The following CHD1 variants were observed in gnomAD, a reference collection of about 807,000 sequenced individuals.
The protein encoded by CHD1 is ATP-dependent chromatin remodeler CHD1.
In CHD1, 36 loss-of-function variants were observed where a neutral mutation model predicts 224.2. The ratio of observed to expected loss-of-function variants is 0.16; its 90% CI spans 0.12 to 0.21. The LOEUF (loss-of-function observed/expected upper bound fraction) is 0.21, where lower values mean the gene tolerates loss of function less well. Ranked by LOEUF, CHD1 falls within the 10% of genes least tolerant of loss-of-function variation. The probability of loss-of-function intolerance (pLI) is 1.00; values close to 1 mark genes in which losing one functional copy is unlikely to be tolerated. For missense variants in CHD1, 1,378 were observed against 1,994.8 expected, an observed-to-expected ratio of 0.69 and a Z score of 5.89; for synonymous variants, 668 against 658.3, an observed-to-expected ratio of 1.01 and a Z score of -0.23.
chr5:98,905,483 A>G (rs1751990118), intron 2 of CHD1, among the ~76,000 whole-genome samples: 1 of 152,116 alleles, frequency 6.6e-6, no homozygotes, highest in Non-Finnish European at 1.5e-5. Flanking sequence ...AGCTCTAGCA[A>G]TAATAAAGTA....
At chr5:98,917,306 A>AAAAAAAAAAAAAAAAAAAAAAAAAAC (rs1752800393) in intron 2 of CHD1, among the ~76,000 whole-genome samples, 1 of 151,106 alleles carries the variant, frequency 6.6e-6, no homozygotes, top group African/African-American at 2.5e-5. Context: ...AAACAAAAAA[A>AAAAAAAAAAAAAAAAAAAAAAAAAAC]AAAAACAACC....
intron 22 of CHD1, among the ~76,000 whole-genome samples, chr5:98,880,004 CA>C (rs1334430179): frequency 6.6e-6 from 1 of 152,000 alleles, no homozygotes; most frequent in Non-Finnish European, 1.5e-5. Flanking sequence ...AACAGAACAA[CA>C]AAAAAGTAAT....
intron 18 of CHD1, chr5:98,883,854 TATATATA>T (rs1362213195): frequency 2.4e-3 from 83 of 33,882 alleles, no homozygotes; most frequent in African/African-American, 8.7e-3. Context: ...TATATATATA[TATATATA>T]TTTTTTTTTT....
chr5:98,892,575 A>G lies in CHD1; in HGVS notation c.2130T>C (p.Val710=). The G allele has an allele frequency of 1.2e-6, 2 of 1,613,928 alleles. No individual in the cohort carries two copies. Among genetic ancestry groups the G allele is most frequent in the East Asian group, 4.5e-5 (2 of 44,866 alleles). Residue 710 remains valine (V), a synonymous_variant, in exon 15 of 36, where the codon GTT becomes GTC. Transcript: ENST00000614616. ...TCATTTCCATTCTTAAAATCTGCTC[A>G]ACCTTGGCAGGAAGAGATTTTTCCA... ...KDVEKSLPAK[V]EQILRMEMSA...
Position 98,854,881 on chromosome 5 carries a change from C to A in CHD1, c.*1499G>T, listed in dbSNP as rs1263187632. 6.6e-6 allele frequency: 1 copy of A among 152,038 alleles called. No homozygotes were observed. The highest frequency in any genetic ancestry group is 2.4e-5 in the African/African-American group (1 of 41,402). The allele number at this position is 152,038 out of a possible 1,614,324, so 9.4% of individuals were successfully genotyped here. A position where few individuals can be genotyped will look rare whatever the true frequency, so the allele number is the denominator to read the frequency against. ...CAAAGCATACATGCAAGAATGTGTGCCACATGACTTAAAAACTTCCCGCTG... is the reference window on the plus strand; with the variant it reads ...CAAAGCATACATGCAAGAATGTGTGACACATGACTTAAAAACTTCCCGCTG... On this transcript the variant is annotated 3_prime_UTR_variant, in exon 36 of 36. Transcript: ENST00000614616.
In CHD1 at chr5:98,858,198, T is replaced by G. The variant is rs1478212044; in HGVS notation, c.4769A>C (p.His1590Pro). The change falls in exon 35 of 36, where the codon CAC (histidine) becomes CCC (proline). Residue 1590 changes from histidine (H) to proline (P), a missense_variant. Around this residue, in one of 16 missense-constraint regions of CHD1, gnomAD observed 278 missense variants for 298.5 expected, o/e 0.93. Coordinates refer to ENST00000614616, the MANE Select transcript of CHD1 (RefSeq NM_001270.4). ...AGTTTACCTGCTGTCTTGCTTGTAG[T>G]GATCCCAATCACGATGGTCTTTACC... ...SNGKDHRDWD[H>P]YKQDSRYYSD... 6.2e-7 allele frequency: 1 copy of G among 1,612,934 alleles called. No homozygotes were observed. The highest frequency in any genetic ancestry group is 1.3e-5 in the African/African-American group (1 of 74,888).
At chr5:98,860,415 A>G (rs1748380568) in intron 32 of CHD1, 2 of 295,840 alleles carry the variant, frequency 6.8e-6, no homozygotes. Flanking sequence ...CATATAAGGG[A>G]CAGGTATGTT....
intron 1 of CHD1, among the ~76,000 whole-genome samples, chr5:98,927,661 A>C (rs559118188): frequency 1.3e-5 from 2 of 152,230 alleles, no homozygotes; most frequent in South Asian, 4.1e-4. Flanking sequence ...AAAGTGCCTT[A>C]CTGAACAATT....
intron 32 of CHD1, 61 bp downstream of exon 32, chr5:98,863,347 A>AC (rs1012793761): frequency 1.0e-6 from 1 of 966,924 alleles, no homozygotes; most frequent in Admixed American, 3.7e-5. Flanking sequence ...AAGAAAACAA[A>AC]AAAAAAAAAA....
At chr5:98,928,327 G>A (rs918149591) in intron 1 of CHD1, among the ~76,000 whole-genome samples, 1 of 152,036 alleles carries the variant, frequency 6.6e-6, no homozygotes, top group Non-Finnish European at 1.5e-5. Context: ...CCGGGCCGGC[G>A]CAAGGATGCG....
chr5:98,895,159 C>A (rs1051019855), intron 12 of CHD1, among the ~76,000 whole-genome samples: 2 of 152,062 alleles, frequency 1.3e-5, no homozygotes, highest in Non-Finnish European at 2.9e-5. Context: ...CTATGTAAAT[C>A]TTATAAATAA....
In CHD1 at chr5:98,893,592, A is replaced by G. The variant is rs1351659243; in HGVS notation, c.1815T>C (p.Gly605=). ...CAACACCTATAAATGCCCAATTTAG[A>G]CCTCCAAGGAATGCCTTAAAATAAT... The part of the protein sequence containing the change: ...ILLKDKAFLG[G]LNWAFIGVDE... Residue 605 remains glycine (G), a synonymous_variant, in exon 14 of 36, where the codon GGT becomes GGC. Coordinates refer to ENST00000614616, the MANE Select transcript of CHD1 (RefSeq NM_001270.4). 3 of 1,591,250 alleles carry G rather than the reference A, an allele frequency of 1.9e-6. No individual in the cohort carries two copies. Among genetic ancestry groups the G allele is most frequent in the Non-Finnish European group, 2.6e-6 (3 of 1,170,322 alleles).
chr5:98,902,108 GAA>G (rs1023784372), intron 5 of CHD1, among the ~76,000 whole-genome samples: 2 of 151,514 alleles, frequency 1.3e-5, no homozygotes, highest in Non-Finnish European at 2.9e-5. Context: ...CTTGCACACC[GAA>G]AAAAAGTTTC....
chr5:98,903,493 C>T (rs145487442), intron 4 of CHD1, among the ~76,000 whole-genome samples: 21 of 152,190 alleles, frequency 1.4e-4, no homozygotes, highest in African/African-American at 4.8e-4. Flanking sequence ...CATGTATATG[C>T]GTGTAGGTGC....
chr5:98,905,156 A>G, intron 2 of CHD1, 58 bp from the exon 3 acceptor site: 2 of 1,593,146 alleles, frequency 1.3e-6, no homozygotes, highest in South Asian at 1.1e-5. Flanking sequence ...AATTTTTCTT[A>G]GACGTCAGCA....
In CHD1 at chr5:98,870,668, C is replaced by A; in HGVS notation, c.3978+19G>T. 7.0e-7 allele frequency: 1 copy of A among 1,428,002 alleles called. No homozygotes were observed. Among genetic ancestry groups the A allele is most frequent in the South Asian group, 1.3e-5 (1 of 79,718 alleles). 88.5% of individuals were successfully genotyped at this position (1,428,002 alleles called of 1,614,324 possible). A position where few individuals can be genotyped will look rare whatever the true frequency, so the allele number is the denominator to read the frequency against. The stretch of plus-strand genomic sequence containing the variant: ...TACTAAAAAGTAAACTGGTCTTAGG[C>A]ATGTGGGCTTTAACTTACCGCACCA... On this transcript the variant is annotated intron_variant, in intron 29 of 35. Transcript: ENST00000614616.
At chr5:98,905,747 ATTTCCTAACG>A (rs1396656857) in intron 2 of CHD1, among the ~76,000 whole-genome samples, 2 of 152,204 alleles carry the variant, frequency 1.3e-5, no homozygotes, top group East Asian at 3.8e-4. Context: ...AAATTCTCAT[ATTTCCTAACG>A]TGTATACACA....
At chr5:98,864,993 C>T (rs754539031) in intron 31 of CHD1, among the ~76,000 whole-genome samples, 8 of 152,018 alleles carry the variant, frequency 5.3e-5, no homozygotes, top group Non-Finnish European at 1.2e-4. Flanking sequence ...GGAACCTGGA[C>T]TCTAGTATAA....
intron 2 of CHD1, among the ~76,000 whole-genome samples, chr5:98,922,404 C>T (rs1753157286): frequency 6.6e-6 from 1 of 152,138 alleles, no homozygotes; most frequent in African/African-American, 2.4e-5. Flanking sequence ...GCAAAAGAGA[C>T]ATATTTTTCC....
Sources: allele counts gnomAD v4.1 joint callset (sites outside exome capture counted in the v4.1 genomes callset), GRCh38; gene constraint gnomAD v4.1.1; regional missense constraint gnomAD v4.1.1; transcripts MANE v1.5; gene names NCBI Gene and HGNC (gene_info 2026-07-23, HGNC 2026-07-21).